SNX30: variants seen among roughly 807,000 people sequenced by gnomAD.
The protein encoded by SNX30 is sorting nexin-30.
A neutral mutation model predicts 46.4 loss-of-function variants in SNX30; 24 were observed. That is an observed-to-expected ratio of 0.52 (90% confidence interval 0.37 to 0.73). The LOEUF is 0.73. SNX30 is among the 30% of genes least tolerant of loss of function. The probability of loss-of-function intolerance (pLI) is 0.00; values close to 1 mark genes in which losing one functional copy is unlikely to be tolerated. For missense variants in SNX30, 533 were observed against 555.7 expected (o/e 0.96, Z 0.41); for synonymous variants, 189 against 211.5 (o/e 0.89, Z 0.92).
intron 1 of SNX30, among the ~76,000 whole-genome samples, chr9:112,789,140 C>T (rs982972341): frequency 6.6e-6 from 1 of 152,078 alleles, no homozygotes; most frequent in Non-Finnish European, 1.5e-5. Flanking sequence ...TTTGTTCGTG[C>T]CCTCTGGAAA....
In SNX30 at chr9:112,872,101, A is replaced by T. The variant is rs969873127; in HGVS notation, c.*3258A>T. The T allele has an allele frequency of 6.6e-6, 1 of 152,156 alleles. No individual in the cohort carries two copies. Among genetic ancestry groups the T allele is most frequent in the South Asian group, 2.1e-4 (1 of 4,816 alleles). 9.4% of individuals were successfully genotyped at this position (152,156 alleles called of 1,614,324 possible). A position where few individuals can be genotyped will look rare whatever the true frequency, so the allele number is the denominator to read the frequency against. ...GTGACTGTAAGCTAAGTCTGTTTTC[A>T]TGCCAGATTTCAGCCCCACCCAGAG... On this transcript the variant is annotated 3_prime_UTR_variant, in exon 9 of 9. Transcript: ENST00000374232.
intron 1 of SNX30, among the ~76,000 whole-genome samples, chr9:112,753,841 A>G (rs370527036): frequency 1.3e-5 from 2 of 152,354 alleles, no homozygotes; most frequent in South Asian, 2.1e-4. Context: ...GAATCTTGGC[A>G]TACACGTATG....
intron 3 of SNX30, among the ~76,000 whole-genome samples, chr9:112,827,825 T>G: frequency 6.6e-6 from 1 of 152,234 alleles, no homozygotes; most frequent in East Asian, 1.9e-4. Context: ...TTAGAAAATA[T>G]ATTAATTTAC....
chr9:112,838,709 T>G lies in SNX30; in HGVS notation c.1014+12T>G, dbSNP rs1337871525. 1 of 1,611,828 alleles carries G rather than the reference T, an allele frequency of 6.2e-7. No homozygotes were observed. Among genetic ancestry groups the G allele is most frequent in the Non-Finnish European group, 8.5e-7 (1 of 1,178,298 alleles). ...CTGACTCCATGAAGGTAAGCTGGCT[T>G]GCTTCTTGTGTATTTGCATACTTTC... On this transcript the variant is annotated intron_variant, in intron 6 of 8. Transcript: ENST00000374232.
chr9:112,756,728 T>C (rs934421206), intron 1 of SNX30, among the ~76,000 whole-genome samples: 9 of 152,222 alleles, frequency 5.9e-5, no homozygotes, highest in Non-Finnish European at 1.5e-5. Flanking sequence ...CTGAAAGTGC[T>C]GGGATCACAG....
chr9:112,861,852 T>C (rs541127145), intron 7 of SNX30, among the ~76,000 whole-genome samples: 3 of 152,296 alleles, frequency 2.0e-5, no homozygotes, highest in South Asian at 2.1e-4. Context: ...GTTTCCTCCA[T>C]GAGGCCCGAT....
rs1840627987 is a variant in SNX30, at chr9:112,829,407, G to A, written c.460-1318G>A. ...CCACCTCAGCCTCCTGAATAGTTGG[G>A]ACTATAGGTGCAAGCCACCATGCCC... On this transcript the variant is annotated intron_variant, in intron 3 of 8. Transcript: ENST00000374232. 2.0e-5 allele frequency among the ~76,000 whole-genome samples: 3 copies of A among 152,284 alleles called. No homozygotes were observed. In the South Asian group the frequency reaches 6.2e-4, roughly 32 times the overall value.
chr9:112,868,952 C>T lies in SNX30; in HGVS notation c.*109C>T, dbSNP rs1841403544. On this transcript the variant is annotated 3_prime_UTR_variant, in exon 9 of 9. Coordinates refer to ENST00000374232, the MANE Select transcript of SNX30 (RefSeq NM_001012994.2). ...AGTGCTGGGAAAACAACCACAGAAA[C>T]ATCTCTCCTTTGTGTATTTTTCCCT... 3.7e-6 allele frequency: 4 copies of T among 1,072,236 alleles called. No homozygotes were observed. The highest frequency in any genetic ancestry group is 1.7e-5 in the Admixed American group (1 of 57,316). 66.4% of individuals were successfully genotyped at this position (1,072,236 alleles called of 1,614,324 possible). A position where few individuals can be genotyped will look rare whatever the true frequency, so the allele number is the denominator to read the frequency against.
intron 2 of SNX30, among the ~76,000 whole-genome samples, chr9:112,814,062 C>A (rs1219349975): frequency 6.6e-6 from 1 of 152,050 alleles, no homozygotes; most frequent in Non-Finnish European, 1.5e-5. Context: ...TATAAGCTTG[C>A]AGTGGGGATG....
Position 112,787,546 on chromosome 9 carries a change from A to G in SNX30, c.157-17230A>G, listed in dbSNP as rs1588115855. On this transcript the variant is annotated intron_variant, in intron 1 of 8. Coordinates refer to ENST00000374232, the MANE Select transcript of SNX30 (RefSeq NM_001012994.2). ...AAATGTATTTCTGTTTCCTATTTTT[A>G]GTTTAGAGAGACAGTTTAGAATCTG... is the stretch of plus-strand genomic sequence containing the variant. Among the ~76,000 whole-genome samples the G allele has an allele frequency of 2.6e-5, 4 of 152,128 alleles. 1 individual carries two copies. The highest frequency in any genetic ancestry group is 9.6e-5 in the African/African-American group (4 of 41,498).
chr9:112,836,668 C>T (rs6477962), intron 5 of SNX30, among the ~76,000 whole-genome samples: 56,269 of 152,108 alleles, frequency 0.37, 10,964 homozygotes, highest in South Asian at 0.5. Flanking sequence ...GGTGTTTCCT[C>T]TTTTATGCTC....
At chr9:112,877,275 G>T (rs1457980635), downstream of SNX30, 1 of 152,196 alleles carries the variant, frequency 6.6e-6, no homozygotes, top group Non-Finnish European at 1.5e-5. Context: ...CTCAGCTCAG[G>T]TTAAAAAACA....
At chr9:112,863,110 T>C (rs984673592) in intron 7 of SNX30, among the ~76,000 whole-genome samples, 1 of 152,160 alleles carries the variant, frequency 6.6e-6, no homozygotes, top group African/African-American at 2.4e-5. Context: ...GATGGCTGAG[T>C]ACCCTGAAGG....
At chr9:112,792,171 G>A (rs1840036796) in intron 1 of SNX30, among the ~76,000 whole-genome samples, 1 of 152,214 alleles carries the variant, frequency 6.6e-6, no homozygotes, top group South Asian at 2.1e-4. Flanking sequence ...AGTGCTCACT[G>A]TGAAACACTT....
In SNX30 at chr9:112,838,567, C is replaced by T. The variant is rs779303024; in HGVS notation, c.884C>T (p.Ala295Val). The T allele has an allele frequency of 6.2e-7, 1 of 1,614,096 alleles. No homozygotes were observed. Among genetic ancestry groups the T allele is most frequent in the South Asian group, 1.1e-5 (1 of 91,062 alleles). ...TGGAGCGCCTTGGAGGGTGAGCTGG[C>T]TGAACCCCTGGAGGGTGTGTCAGCT... ...STWSALEGEL[A>V]EPLEGVSACI... Residue 295 changes from alanine (A) to valine (V), a missense_variant, in exon 6 of 9, where the codon GCT becomes GTT. By Grantham distance (64) the Ala-to-Val change is moderately conservative. Coordinates refer to ENST00000374232, the MANE Select transcript of SNX30 (RefSeq NM_001012994.2).
rs548885060 is a variant in SNX30 at position 112,873,770 on chromosome 9, C to A, written c.*4927C>A. ...GATGACAACAGTATTAAATGTTACT[C>A]CTGATTCTGCAGAACAGCTTTTGAA... On this transcript the variant is annotated 3_prime_UTR_variant, in exon 9 of 9. Transcript: ENST00000374232. 6.6e-6 allele frequency: 1 copy of A among 152,230 alleles called. No individual in the cohort carries two copies. Among genetic ancestry groups the A allele is most frequent in the South Asian group, 2.1e-4 (1 of 4,816 alleles). 9.4% of individuals were successfully genotyped at this position (152,230 alleles called of 1,614,324 possible).
intron 5 of SNX30, among the ~76,000 whole-genome samples, chr9:112,880,834 T>A (rs1300944932): frequency 6.6e-6 from 1 of 152,240 alleles, no homozygotes; most frequent in East Asian, 1.9e-4. Flanking sequence ...TTTATGGCAC[T>A]GAGTGGGGAG....
At chr9:112,864,160 C>T (rs1841281143) in intron 7 of SNX30, 87 bp from the exon 8 acceptor site, 1 of 1,390,032 alleles carries the variant, frequency 7.2e-7, no homozygotes, top group African/African-American at 1.4e-5. Flanking sequence ...AGGGCTTTGG[C>T]CTTTGACAAA....
chr9:112,788,480 C>A (rs1839965872), intron 1 of SNX30, among the ~76,000 whole-genome samples: 1 of 152,144 alleles, frequency 6.6e-6, no homozygotes, highest in Admixed American at 6.5e-5. Context: ...AGGAAAAGAA[C>A]TATTGTTTAT....
Sources: allele counts gnomAD v4.1 joint callset (sites outside exome capture counted in the v4.1 genomes callset), GRCh38; gene constraint gnomAD v4.1.1; transcripts MANE v1.5; gene names NCBI Gene and HGNC (gene_info 2026-07-23, HGNC 2026-07-21).